Variants in FGF12 observed in about 807,000 individuals in gnomAD.
The protein encoded by FGF12 is fibroblast growth factor 12B.
FGF12 carries 14 observed loss-of-function variants against 23.6 expected under a neutral mutation model. That is an observed-to-expected ratio of 0.59 (90% CI 0.39 to 0.93). The LOEUF is 0.93. Among genes scored for constraint, FGF12 ranks in the 40% least tolerant of loss-of-function variants. FGF12 has a pLI of 0.00. For synonymous variants in FGF12, 62 were observed against 77.3 expected (o/e 0.80, Z 1.04); for missense variants, 175 against 217.8 (o/e 0.80, Z 1.24).
At position 192,485,156 on chromosome 3, in the gene FGF12, T is replaced by G. The variant is rs145377543; in HGVS notation, c.14-124618A>C. Among the ~76,000 whole-genome samples, 1,054 of 152,282 alleles carry G rather than the reference T, an allele frequency of 6.9e-3. 11 individuals are homozygous for G. Among genetic ancestry groups the G allele is most frequent in the African/African-American group, 0.025 (1,026 of 41,538 alleles). ...ATATCTATAAACAGGTGTGCATGTG[T>G]GCATAAGTATGTTTATCTATTATTT... On this transcript the variant is annotated intron_variant, in intron 2 of 5. Coordinates refer to ENST00000445105, the MANE Select transcript of FGF12 (RefSeq NM_004113.6).
At chr3:192,682,646 C>T (rs1283330841) in intron 2 of FGF12, among the ~76,000 whole-genome samples, 2 of 152,144 alleles carry the variant, frequency 1.3e-5, no homozygotes, top group South Asian at 2.1e-4. Flanking sequence ...GATGGAGACT[C>T]GAAACCTTTG....
rs1373959032 is a variant in FGF12, at chr3:192,660,498, C to A, written c.13+66683G>T. On this transcript the variant is annotated intron_variant, in intron 2 of 5. Transcript: ENST00000445105. Reference sequence around the variant, plus strand: ...CACGTTGTGCACATGTACCCTAGAACTTAAAGTATAAAAAAAAAAAAAAAG... The same window carrying A: ...CACGTTGTGCACATGTACCCTAGAAATTAAAGTATAAAAAAAAAAAAAAAG... Among the ~76,000 whole-genome samples, 18 of 145,932 alleles carry A rather than the reference C, an allele frequency of 1.2e-4. 1 individual carries two copies. Among genetic ancestry groups the A allele is most frequent in the African/African-American group, 4.1e-4 (16 of 39,242 alleles).
At position 192,163,828 on chromosome 3, in the gene FGF12, A is replaced by AGTGTGTGT. The variant is rs35349561; in HGVS notation, c.427+6622_427+6629dup. On this transcript the variant is annotated intron_variant, in intron 5 of 5. Transcript: ENST00000445105. ...CCATGTATATGGCCAAGTGTGTGTGAGTGTGTGTGTGTGTGTGTGTGTGTG... is the reference window on the plus strand; with the variant it reads ...CCATGTATATGGCCAAGTGTGTGTGAGTGTGTGTGTGTGTGTGTGTGTGTGTGTGTGTG... Among the ~76,000 whole-genome samples, 941 of 149,476 alleles carry AGTGTGTGT rather than the reference A, an allele frequency of 6.3e-3. 16 individuals carry two copies. The highest frequency in any genetic ancestry group is 0.02 in the African/African-American group (813 of 40,816).
At position 192,703,879 on chromosome 3, in the gene FGF12, T is replaced by A. The variant is rs189458782; in HGVS notation, c.13+23302A>T. Among the ~76,000 whole-genome samples, 76 of 152,276 alleles carry A rather than the reference T, an allele frequency of 5.0e-4. 1 individual carries two copies. Among genetic ancestry groups the A allele is most frequent in the African/African-American group, 1.7e-3 (69 of 41,544 alleles). ...ACTGTGCCCAGCTAATTTTTAAAAATTTTTTTGTAGAGACAAGGTCTCACT... is the reference window on the plus strand; with the variant it reads ...ACTGTGCCCAGCTAATTTTTAAAAAATTTTTTGTAGAGACAAGGTCTCACT... On this transcript the variant is annotated intron_variant, in intron 2 of 5. Coordinates refer to ENST00000445105, the MANE Select transcript of FGF12 (RefSeq NM_004113.6).
chr3:192,156,883 TTTC>T lies in FGF12; in HGVS notation c.428-12759_428-12757del, dbSNP rs142738995. Reference sequence around the variant, plus strand: ...CAAAGCACACTCTTATTTCACTTCTTTTCTTCTTATTTTTCCTCTATTCTGACT... The same window carrying T: ...CAAAGCACACTCTTATTTCACTTCTTTTCTTATTTTTCCTCTATTCTGACT... On this transcript the variant is annotated intron_variant, in intron 5 of 5. Coordinates refer to ENST00000445105, the MANE Select transcript of FGF12 (RefSeq NM_004113.6). Among the ~76,000 whole-genome samples, 660 of 152,342 alleles carry T rather than the reference TTTC, an allele frequency of 4.3e-3. 4 individuals are homozygous for T. The highest frequency in any genetic ancestry group is 0.015 in the African/African-American group (643 of 41,576).
intron 4 of FGF12, among the ~76,000 whole-genome samples, chr3:192,301,002 A>G (rs919558277): frequency 2.0e-5 from 3 of 152,182 alleles, no homozygotes; most frequent in African/African-American, 7.2e-5. Flanking sequence ...TTCTGCCTCA[A>G]AGGAAAAGAA....
At chr3:192,699,737 T>C (rs1718234869) in intron 2 of FGF12, among the ~76,000 whole-genome samples, 1 of 152,126 alleles carries the variant, frequency 6.6e-6, no homozygotes, top group Admixed American at 6.6e-5. Context: ...ATTAGATCAC[T>C]CAGTAAGTAT....
chr3:192,510,815 T>C (rs1724447350), intron 2 of FGF12, among the ~76,000 whole-genome samples: 1 of 152,160 alleles, frequency 6.6e-6, no homozygotes, highest in Non-Finnish European at 1.5e-5. Context: ...TATTACACCA[T>C]GAAAAGACCT....
At chr3:192,256,987 C>T (rs1306464791) in intron 4 of FGF12, among the ~76,000 whole-genome samples, 1 of 152,152 alleles carries the variant, frequency 6.6e-6, no homozygotes, top group African/African-American at 2.4e-5. Context: ...CCTTCAGTAA[C>T]TTTTTCCCAT....
chr3:192,568,310 C>T (rs929239247), intron 2 of FGF12, among the ~76,000 whole-genome samples: 10 of 152,214 alleles, frequency 6.6e-5, no homozygotes, highest in Admixed American at 2.0e-4. Context: ...ATTCAACCCA[C>T]TGTAGTGCTC....
chr3:192,360,619 G>C lies in FGF12; in HGVS notation c.14-81C>G. ...ACAGATTGTTAAAAACATCCTGTAA[G>C]TAAATACGTAAATGCCAATAGCTTA... On this transcript the variant is annotated intron_variant, in intron 2 of 5. Transcript: ENST00000445105. The surrounding 1 kb of genome is among the most constrained non-coding windows in gnomAD (Gnocchi z 4.3). 1 of 880,068 alleles carries C rather than the reference G, an allele frequency of 1.1e-6. No individual in the cohort carries two copies. The highest frequency in any genetic ancestry group is 1.4e-5 in the South Asian group (1 of 72,248). 54.5% of individuals were successfully genotyped at this position (880,068 alleles called of 1,614,324 possible). A position where few individuals can be genotyped will look rare whatever the true frequency, so the allele number is the denominator to read the frequency against.
chr3:192,268,678 G>A (rs1216484708), intron 4 of FGF12: 2 of 446,560 alleles, frequency 4.5e-6, no homozygotes, highest in Non-Finnish European at 9.0e-6. Context: ...TGTCATGATT[G>A]TAAGCTTCCT....
intron 2 of FGF12, among the ~76,000 whole-genome samples, chr3:192,385,127 C>T (rs1008480460): frequency 6.6e-6 from 1 of 152,140 alleles, no homozygotes; most frequent in Non-Finnish European, 1.5e-5. Context: ...GTGTCTGTGG[C>T]AGTGCCTACC....
intron 4 of FGF12, among the ~76,000 whole-genome samples, chr3:192,257,485 C>A (rs1043306252): frequency 6.6e-6 from 1 of 152,000 alleles, no homozygotes; most frequent in African/African-American, 2.4e-5. Context: ...TCTCGGAAAC[C>A]CTTACCCATC....
chr3:192,216,042 C>A (rs1718176630), intron 4 of FGF12, among the ~76,000 whole-genome samples: 1 of 152,068 alleles, frequency 6.6e-6, no homozygotes, highest in African/African-American at 2.4e-5. Flanking sequence ...TTGCTAGACC[C>A]TAGGAATATA....
intron 2 of FGF12, among the ~76,000 whole-genome samples, chr3:192,684,250 T>C (rs538122677): frequency 2.8e-4 from 42 of 152,278 alleles, no homozygotes; most frequent in African/African-American, 9.6e-4. Context: ...GCACATGCTG[T>C]CCAAGCTGCC....
intron 2 of FGF12, among the ~76,000 whole-genome samples, chr3:192,597,952 G>A (rs1713935252): frequency 6.6e-6 from 1 of 152,160 alleles, no homozygotes; most frequent in Non-Finnish European, 1.5e-5. Flanking sequence ...CTCATAAACT[G>A]TAAAGTGGGT....
chr3:192,254,149 G>T (rs1712220016), intron 4 of FGF12, among the ~76,000 whole-genome samples: 1 of 151,644 alleles, frequency 6.6e-6, no homozygotes, highest in Non-Finnish European at 1.5e-5. Context: ...CTGAAATTTT[G>T]TATCCTTTGA....
intron 2 of FGF12, among the ~76,000 whole-genome samples, chr3:192,455,789 A>G (rs977587549): frequency 2.0e-5 from 3 of 152,224 alleles, no homozygotes; most frequent in Non-Finnish European, 4.4e-5. Flanking sequence ...ATATTAGTAG[A>G]TGTAACTGAG....
Sources: allele counts gnomAD v4.1 joint callset (sites outside exome capture counted in the v4.1 genomes callset), GRCh38; gene constraint gnomAD v4.1.1; non-coding constraint Gnocchi (gnomAD v3.1); transcripts MANE v1.5; gene names NCBI Gene and HGNC (gene_info 2026-07-23, HGNC 2026-07-21).